Variants in ADGRL2 observed in about 807,000 individuals in gnomAD.
The protein encoded by ADGRL2 is calcium-independent alpha-latrotoxin receptor 2.
Under a neutral mutation model 157.4 loss-of-function variants are expected in ADGRL2, and 44 were observed. The ratio of observed to expected loss-of-function variants is 0.28; its 90% CI spans 0.22 to 0.36. The LOEUF is 0.36. ADGRL2 is among the 10% of genes least tolerant of loss of function. The pLI is 1.00. For missense variants in ADGRL2, 1,510 were observed against 1,768.9 expected (o/e 0.85, Z 2.63); for synonymous variants, 585 against 624.7 (o/e 0.94, Z 0.95).
chr1:81,655,462 A>G (rs938525971), intron 3 of ADGRL2, among the ~76,000 whole-genome samples: 2 of 152,116 alleles, frequency 1.3e-5, no homozygotes, highest in Non-Finnish European at 2.9e-5. Context: ...CATTCTCAAA[A>G]CAGTCTTTTA....
chr1:81,751,426 AG>A (rs2085486494), intron 1 of ADGRL2, among the ~76,000 whole-genome samples: 1 of 152,186 alleles, frequency 6.6e-6, no homozygotes, highest in Non-Finnish European at 1.5e-5. Context: ...CGCCAAAGAG[AG>A]GAAACCTGAA....
intron 3 of ADGRL2, among the ~76,000 whole-genome samples, chr1:81,581,874 GCACACACACACA>G (rs869309464): frequency 0.034 from 2,878 of 83,546 alleles, 90 homozygotes; most frequent in African/African-American, 0.087. Flanking sequence ...ACACATGCGC[GCACACACACACA>G]CACACACACA....
intron 3 of ADGRL2, among the ~76,000 whole-genome samples, chr1:81,687,146 T>G (rs1474857062): frequency 1.3e-5 from 2 of 152,220 alleles, no homozygotes; most frequent in Admixed American, 1.3e-4. Context: ...ATATATCTGT[T>G]AAGTCCATTT....
At chr1:81,789,701 CAAAAAAA>C (rs34269882) in intron 2 of ADGRL2, among the ~76,000 whole-genome samples, 6 of 88,506 alleles carry the variant, frequency 6.8e-5, no homozygotes, top group Admixed American at 1.2e-4. Flanking sequence ...GTCTCCGTCT[CAAAAAAA>C]AAAAAAAAAA....
intron 3 of ADGRL2, among the ~76,000 whole-genome samples, chr1:81,686,285 A>T (rs2083227149): frequency 6.6e-6 from 1 of 152,034 alleles, no homozygotes. Context: ...TGTGTTAGTA[A>T]TTTTTTAATC....
intron 1 of ADGRL2, among the ~76,000 whole-genome samples, chr1:81,323,434 T>G (rs1308278068): frequency 1.2e-5 from 1 of 81,412 alleles, no homozygotes; most frequent in Non-Finnish European, 2.7e-5. Context: ...TTTTTTTTTG[T>G]AGAGAATAGG....
chr1:81,644,309 G>A (rs528912486), intron 3 of ADGRL2, among the ~76,000 whole-genome samples: 1 of 152,202 alleles, frequency 6.6e-6, no homozygotes, highest in South Asian at 2.1e-4. Flanking sequence ...ATTGGGTTTG[G>A]AAACAGCTTT....
At chr1:81,652,405 T>G (rs1260578324) in intron 3 of ADGRL2, among the ~76,000 whole-genome samples, 1 of 152,168 alleles carries the variant, frequency 6.6e-6, no homozygotes, top group African/African-American at 2.4e-5. Flanking sequence ...TTTTTTCACT[T>G]TTAATGATAT....
At chr1:81,390,702 C>T (rs927124497) in intron 1 of ADGRL2, among the ~76,000 whole-genome samples, 2 of 152,310 alleles carry the variant, frequency 1.3e-5, no homozygotes, top group Non-Finnish European at 2.9e-5. Flanking sequence ...ATTTGATCTT[C>T]TCTCTTAATA....
At chr1:81,533,747 G>T (rs759333053) in intron 2 of ADGRL2, among the ~76,000 whole-genome samples, 2 of 152,134 alleles carry the variant, frequency 1.3e-5, no homozygotes, top group South Asian at 4.1e-4. Flanking sequence ...ACAGAGCTTA[G>T]TGTTCATTAT....
chr1:81,814,582 GA>G (rs951545926), intron 1 of ADGRL2, among the ~76,000 whole-genome samples: 8 of 151,104 alleles, frequency 5.3e-5, no homozygotes, highest in Non-Finnish European at 1.2e-4. Context: ...AACTGTATTG[GA>G]AAAAAATATT....
At chr1:81,329,106 C>T (rs1392167397) in intron 1 of ADGRL2, among the ~76,000 whole-genome samples, 1 of 152,078 alleles carries the variant, frequency 6.6e-6, no homozygotes, top group Non-Finnish European at 1.5e-5. Context: ...TATAAGCCAT[C>T]CATGTTCCCA....
At chr1:81,362,287 A>G (rs1469628607) in intron 1 of ADGRL2, among the ~76,000 whole-genome samples, 1 of 151,878 alleles carries the variant, frequency 6.6e-6, no homozygotes. Context: ...GAAGTGCCAC[A>G]TGAGAAGATT....
chr1:81,332,583 G>A (rs897376567), intron 1 of ADGRL2, among the ~76,000 whole-genome samples: 21 of 152,074 alleles, frequency 1.4e-4, no homozygotes, highest in Non-Finnish European at 1.5e-4. Flanking sequence ...AGATGTTCTT[G>A]TTTGCCATTA....
chr1:81,596,410 C>T (rs1405224442), intron 3 of ADGRL2: 2 of 471,366 alleles, frequency 4.2e-6, no homozygotes, highest in African/African-American at 4.0e-5. Flanking sequence ...CACACCTTCT[C>T]CAGAGATTTT....
intron 2 of ADGRL2, among the ~76,000 whole-genome samples, chr1:81,548,686 C>T (rs2080077128): frequency 6.6e-6 from 1 of 151,984 alleles, no homozygotes; most frequent in African/African-American, 2.4e-5. Flanking sequence ...TTTTATTTTT[C>T]CCCAAGGATT....
At chr1:81,768,664 G>T (rs916053004) in intron 2 of ADGRL2, among the ~76,000 whole-genome samples, 1 of 151,902 alleles carries the variant, frequency 6.6e-6, no homozygotes, top group African/African-American at 2.4e-5. Context: ...ATGTAGACAG[G>T]GTCTCACTAT....
chr1:81,718,599 T>C (rs1033791098), intron 1 of ADGRL2, among the ~76,000 whole-genome samples: 1 of 152,220 alleles, frequency 6.6e-6, no homozygotes, highest in Non-Finnish European at 1.5e-5. Flanking sequence ...TTAAAGTGTT[T>C]TGTATCCTTT....
chr1:81,578,020 A>G (rs1263570006), intron 2 of ADGRL2, among the ~76,000 whole-genome samples: 1 of 152,160 alleles, frequency 6.6e-6, no homozygotes, highest in Admixed American at 6.5e-5. Context: ...ATGAATTCCA[A>G]AGGCTGGCAC....
Sources: allele counts gnomAD v4.1 joint callset (sites outside exome capture counted in the v4.1 genomes callset), GRCh38; gene constraint gnomAD v4.1.1; transcripts MANE v1.5; gene names NCBI Gene and HGNC (gene_info 2026-07-23, HGNC 2026-07-21).